The following PHACTR1 variants were observed in gnomAD, a reference collection of about 807,000 sequenced individuals.
PHACTR1 encodes the protein phosphatase and actin regulator 1, also known as RPEL repeat containing 1.
In PHACTR1, 16 loss-of-function variants were observed where a neutral mutation model predicts 69.2. The observed-to-expected ratio is 0.23, with a 90% CI of 0.16 to 0.35. The LOEUF (loss-of-function observed/expected upper bound fraction) is 0.35, where lower values mean the gene tolerates loss of function less well. PHACTR1 is among the 10% of genes least tolerant of loss of function. The pLI is 1.00. For missense variants in PHACTR1, 510 were observed against 734.7 expected, an observed-to-expected ratio of 0.69 and a Z score of 3.54; for synonymous variants, 312 against 284.5, an observed-to-expected ratio of 1.10 and a Z score of -0.97.
chr6:12,935,426 T>C (rs1290546083), intron 4 of PHACTR1, among the ~76,000 whole-genome samples: 1 of 152,026 alleles, frequency 6.6e-6, no homozygotes, highest in Non-Finnish European at 1.5e-5. Context: ...GTATTTTTAG[T>C]AGAAATGGGG....
At chr6:12,722,289 G>C (rs1405774064) in intron 3 of PHACTR1, among the ~76,000 whole-genome samples, 1 of 152,178 alleles carries the variant, frequency 6.6e-6, no homozygotes, top group Non-Finnish European at 1.5e-5. Context: ...TGTTTTTAAA[G>C]GGAAAAGCAA....
intron 4 of PHACTR1, among the ~76,000 whole-genome samples, chr6:12,940,313 T>C (rs1446648783): frequency 2.0e-5 from 3 of 152,226 alleles, no homozygotes; most frequent in Non-Finnish European, 2.9e-5. Flanking sequence ...CTTTTCAGCT[T>C]TTTGTGTTAA....
At chr6:13,100,664 T>C (rs1815011170) in intron 5 of PHACTR1, among the ~76,000 whole-genome samples, 1 of 152,220 alleles carries the variant, frequency 6.6e-6, no homozygotes, top group African/African-American at 2.4e-5. Context: ...CCTCACCAAA[T>C]TGTGTGATTA....
chr6:13,227,953 A>G lies in PHACTR1; in HGVS notation c.1124A>G (p.Asn375Ser). The change falls in exon 9 of 15, where the codon AAT (asparagine) becomes AGT (serine). Residue 375 changes from asparagine (N) to serine (S), a missense_variant. By Grantham distance (46) the Asn-to-Ser change is conservative. Around this residue, in one of 2 missense-constraint regions of PHACTR1, gnomAD observed 419 missense variants for 530.9 expected, o/e 0.79. Coordinates refer to ENST00000332995, the MANE Select transcript of PHACTR1 (RefSeq NM_030948.6). ...VPTVVIECDD[N>S]KENVPHESDY... ...ACTGTTGTGATTGAATGTGATGACA[A>G]TAAAGAAAATGTGCCTCATGAGTCA... The G allele has an allele frequency of 6.2e-7, 1 of 1,614,022 alleles. No individual in the cohort carries two copies. Among genetic ancestry groups the G allele is most frequent in the Non-Finnish European group, 8.5e-7 (1 of 1,179,892 alleles).
intron 4 of PHACTR1, among the ~76,000 whole-genome samples, chr6:12,874,364 C>A (rs1270340967): frequency 1.3e-5 from 2 of 152,156 alleles, no homozygotes; most frequent in African/African-American, 4.8e-5. Flanking sequence ...CATGGCTAGA[C>A]ACAACTTGGC....
At chr6:13,152,770 T>C (rs1308853995) in intron 5 of PHACTR1, among the ~76,000 whole-genome samples, 1 of 152,214 alleles carries the variant, frequency 6.6e-6, no homozygotes, top group Non-Finnish European at 1.5e-5. Context: ...ATTGAAAAGA[T>C]TGTTTTACTC....
intron 4 of PHACTR1, among the ~76,000 whole-genome samples, chr6:12,822,193 A>G (rs1776304523): frequency 6.6e-6 from 1 of 152,206 alleles, no homozygotes; most frequent in Admixed American, 6.5e-5. Context: ...ACTCCTGTTG[A>G]CTAAAGGTCA....
At chr6:13,104,098 A>G (rs1186372819) in intron 5 of PHACTR1, among the ~76,000 whole-genome samples, 1 of 152,218 alleles carries the variant, frequency 6.6e-6, no homozygotes, top group Non-Finnish European at 1.5e-5. Context: ...AAAATAAAAA[A>G]TAAAGAAAAT....
chr6:12,955,275 C>G (rs1017682518), intron 4 of PHACTR1, among the ~76,000 whole-genome samples: 1 of 145,436 alleles, frequency 6.9e-6, no homozygotes, highest in African/African-American at 2.7e-5. Context: ...CGTGGCTCAC[C>G]GTAGCTTTGA....
chr6:13,242,602 C>T (rs926909671), intron 10 of PHACTR1, among the ~76,000 whole-genome samples: 1 of 152,034 alleles, frequency 6.6e-6, no homozygotes, highest in Non-Finnish European at 1.5e-5. Flanking sequence ...TGAATTTGCA[C>T]CTAAGGCTAA....
rs528823073 is a variant in PHACTR1, at chr6:12,792,323, G to A, written c.250+42533G>A. On this transcript the variant is annotated intron_variant, in intron 4 of 14. Transcript: ENST00000332995. ...CTACCAAAAATACAAAATTAGCCGG[G>A]CGTGGTGGTACATGCCTGTAATCCC... 2.6e-5 allele frequency among the ~76,000 whole-genome samples: 4 copies of A among 151,748 alleles called. No homozygotes were observed. The South Asian group carries it at 8.3e-4, about 32-fold the overall frequency.
chr6:13,013,674 C>G (rs539847188), intron 4 of PHACTR1, among the ~76,000 whole-genome samples: 78 of 152,102 alleles, frequency 5.1e-4, no homozygotes, highest in African/African-American at 1.8e-3. Flanking sequence ...CTGCCTACCC[C>G]CTCCTCCGGC....
intron 4 of PHACTR1, among the ~76,000 whole-genome samples, chr6:12,751,289 A>G (rs1233147159): frequency 6.6e-6 from 1 of 152,236 alleles, no homozygotes; most frequent in African/African-American, 2.4e-5. Flanking sequence ...AAGTTTATTT[A>G]GAAAGCTTTG....
intron 5 of PHACTR1, among the ~76,000 whole-genome samples, chr6:13,068,077 G>A (rs182419205): frequency 9.8e-4 from 149 of 152,282 alleles, no homozygotes; most frequent in African/African-American, 3.5e-3. Context: ...ATCACTTTGG[G>A]AGGCTGAGGC....
chr6:12,910,853 C>G (rs980262450), intron 4 of PHACTR1, among the ~76,000 whole-genome samples: 3 of 152,162 alleles, frequency 2.0e-5, no homozygotes, highest in Non-Finnish European at 4.4e-5. Flanking sequence ...GGCAGTTCAG[C>G]AAGTGAGTCT....
intron 5 of PHACTR1, among the ~76,000 whole-genome samples, chr6:13,130,984 G>A (rs1317229303): frequency 6.6e-6 from 1 of 152,098 alleles, no homozygotes; most frequent in Non-Finnish European, 1.5e-5. Context: ...TCATACCAGG[G>A]ATGTGAGGTT....
chr6:12,929,412 A>G (rs1359603741), intron 4 of PHACTR1, among the ~76,000 whole-genome samples: 1 of 152,152 alleles, frequency 6.6e-6, no homozygotes, highest in Non-Finnish European at 1.5e-5. Flanking sequence ...CCAGTCCTTC[A>G]AACTGTTCAT....
chr6:12,926,597 A>G (rs1788288734), intron 4 of PHACTR1, among the ~76,000 whole-genome samples: 1 of 152,138 alleles, frequency 6.6e-6, no homozygotes, highest in Non-Finnish European at 1.5e-5. Context: ...CCTGACTCAT[A>G]TCCTTGTCCC....
intron 4 of PHACTR1, among the ~76,000 whole-genome samples, chr6:12,817,570 A>G (rs1441831840): frequency 1.3e-5 from 2 of 152,234 alleles, no homozygotes; most frequent in African/African-American, 4.8e-5. Context: ...GAGTTAATGC[A>G]TCTGAAACAC....
Sources: gnomAD v4.1 joint callset for allele counts (sites outside exome capture counted in the v4.1 genomes callset) on GRCh38, gnomAD v4.1.1 for gene constraint, gnomAD v4.1.1 regional missense constraint, MANE v1.5 for transcripts, NCBI Gene and HGNC (gene_info 2026-07-23, HGNC 2026-07-21) for gene names.